BFAR: variants seen among roughly 807,000 people sequenced by gnomAD.
The protein encoded by BFAR is RING finger protein 47.
Under a neutral mutation model 54.4 loss-of-function variants are expected in BFAR, and 52 were observed. The observed-to-expected ratio is 0.96, with a 90% CI of 0.77 to 1.21. BFAR has a LOEUF of 1.21. Ranked by LOEUF, BFAR falls within the 50% of genes most tolerant of loss-of-function variation. The pLI, the probability that BFAR is intolerant of heterozygous loss-of-function variation, is 0.00. For missense variants in BFAR, 571 were observed against 534.0 expected, an observed-to-expected ratio of 1.07 and a Z score of -0.68; for synonymous variants, 215 against 204.3, an observed-to-expected ratio of 1.05 and a Z score of -0.45.
chr16:14,659,242 TTG>T lies in BFAR; in HGVS notation c.784-2648_784-2647del, dbSNP rs1567493908. On this transcript the variant is annotated intron_variant, in intron 5 of 7. Coordinates refer to ENST00000261658, the MANE Select transcript of BFAR (RefSeq NM_016561.3). ...GCAATTTGGTTTTTTTTGTTTTTTT[TTG>T]TTTTTTGTTTTTTTTTGAAACAGAG... Among the ~76,000 whole-genome samples, 1,139 of 147,972 alleles carry T rather than the reference TTG, an allele frequency of 7.7e-3. 8 individuals carry two copies. Among genetic ancestry groups the T allele is most frequent in the African/African-American group, 0.027 (1,062 of 40,042 alleles).
chr16:14,648,400 A>T lies in BFAR; in HGVS notation c.276A>T (p.Glu92Asp). Residue 92 changes from glutamate (E) to aspartate (D), a missense_variant, in exon 3 of 8, where the codon GAA becomes GAT. Coordinates refer to ENST00000261658, the MANE Select transcript of BFAR (RefSeq NM_016561.3). ...KVSILLRDAI[E>D]KLFPDAIRLR... ...CTATTCTCCATAGGGATGCCATTGAAAAGTTATTTCCTGATGCCATTAGAC... is the reference window on the plus strand; with the variant it reads ...CTATTCTCCATAGGGATGCCATTGATAAGTTATTTCCTGATGCCATTAGAC... 6.2e-7 allele frequency: 1 copy of T among 1,612,756 alleles called. No individual in the cohort carries two copies. The highest frequency in any genetic ancestry group is 8.5e-7 in the Non-Finnish European group (1 of 1,178,878).
intron 1 of BFAR, among the ~76,000 whole-genome samples, chr16:14,639,129 A>C (rs1161106127): frequency 6.6e-6 from 1 of 152,032 alleles, no homozygotes; most frequent in African/African-American, 2.4e-5. Context: ...TGATCATTCA[A>C]ATTCACCAAC....
chr16:14,649,452 G>C (rs1470737246), intron 3 of BFAR, among the ~76,000 whole-genome samples: 1 of 152,122 alleles, frequency 6.6e-6, no homozygotes, highest in African/African-American at 2.4e-5. Flanking sequence ...TTAAAGTTCT[G>C]TGCATAAAAA....
intron 1 of BFAR, among the ~76,000 whole-genome samples, chr16:14,641,338 G>T (rs1392942185): frequency 1.3e-5 from 2 of 152,192 alleles, no homozygotes; most frequent in Non-Finnish European, 2.9e-5. Context: ...GCAGCCTGCT[G>T]CTGACAGCTA....
At chr16:14,659,378 A>G (rs1470082868) in intron 5 of BFAR, among the ~76,000 whole-genome samples, 1 of 151,692 alleles carries the variant, frequency 6.6e-6, no homozygotes, top group Admixed American at 6.6e-5. Context: ...AGTAGCTGGG[A>G]CTACAGGTGC....
At chr16:14,655,344 C>A in intron 5 of BFAR, 134 bp downstream of exon 5, 1 of 825,008 alleles carries the variant, frequency 1.2e-6, no homozygotes, top group Non-Finnish European at 1.6e-6. Context: ...TATTTTGAGA[C>A]AGAGTCCTTC....
At chr16:14,655,231 T>G in intron 5 of BFAR, 21 bp downstream of exon 5, 1 of 1,364,460 alleles carries the variant, frequency 7.3e-7, no homozygotes, top group Non-Finnish European at 9.5e-7. Flanking sequence ...TAATTTTTTT[T>G]TTTTTTTTTT....
intron 6 of BFAR, among the ~76,000 whole-genome samples, chr16:14,662,709 G>C (rs1567495580): frequency 6.6e-6 from 1 of 151,982 alleles, no homozygotes; most frequent in Non-Finnish European, 1.5e-5. Flanking sequence ...GCAGAGACAG[G>C]GTTTCACCAT....
chr16:14,663,757 T>C (rs1017378905), intron 6 of BFAR, among the ~76,000 whole-genome samples: 14 of 152,166 alleles, frequency 9.2e-5, no homozygotes, highest in Non-Finnish European at 1.5e-4. Context: ...GAAACTACCA[T>C]TATTCTACCA....
At chr16:14,654,193 A>G (rs1016860793) in intron 4 of BFAR, among the ~76,000 whole-genome samples, 5 of 151,326 alleles carry the variant, frequency 3.3e-5, no homozygotes, top group African/African-American at 1.2e-4. Flanking sequence ...TTGTATTTTC[A>G]GTAGAGACGG....
chr16:14,662,865 C>G lies in BFAR; in HGVS notation c.957+800C>G, dbSNP rs182972361. ...TCGGCAAGACTCCTGTCTCAAGAGC[C>G]GAGCTCCCCGAGTGAGCAATTCCTG... On this transcript the variant is annotated intron_variant, in intron 6 of 7. Coordinates refer to ENST00000261658, the MANE Select transcript of BFAR (RefSeq NM_016561.3). Among the ~76,000 whole-genome samples, 245 of 152,192 alleles carry G rather than the reference C, an allele frequency of 1.6e-3. 2 individuals are homozygous for G. The highest frequency in any genetic ancestry group is 5.7e-3 in the African/African-American group (236 of 41,534).
In BFAR at chr16:14,659,231, TTTGTTTTTTTTTGTTTTTTG is replaced by T. The variant is rs1318442479; in HGVS notation, c.784-2658_784-2639del. Among the ~76,000 whole-genome samples the T allele has an allele frequency of 3.8e-4, 56 of 148,864 alleles. 1 individual carries two copies. Among genetic ancestry groups the T allele is most frequent in the Non-Finnish European group, 7.2e-4 (48 of 67,082 alleles). The stretch of plus-strand genomic sequence containing the variant: ...GCCTGTAGTATGCAATTTGGTTTTT[TTTGTTTTTTTTTGTTTTTTG>T]TTTTTTTTTGAAACAGAGTCTCGCT... On this transcript the variant is annotated intron_variant, in intron 5 of 7. Coordinates refer to ENST00000261658, the MANE Select transcript of BFAR (RefSeq NM_016561.3).
At chr16:14,651,333 C>T (rs946610403) in intron 4 of BFAR, among the ~76,000 whole-genome samples, 1 of 152,106 alleles carries the variant, frequency 6.6e-6, no homozygotes, top group Non-Finnish European at 1.5e-5. Context: ...AAGGATATTG[C>T]AAAAGATACA....
At chr16:14,662,165 T>C (rs1334655997) in intron 6 of BFAR, 100 bp downstream of exon 6, 1 of 1,372,208 alleles carries the variant, frequency 7.3e-7, no homozygotes, top group Non-Finnish European at 1.0e-6. Flanking sequence ...GTTTGACCCA[T>C]GAACTCCTTC....
At chr16:14,660,609 CGAG>C (rs1341809906) in intron 5 of BFAR, among the ~76,000 whole-genome samples, 2 of 112,462 alleles carry the variant, frequency 1.8e-5, no homozygotes, top group African/African-American at 3.1e-5. Context: ...TTTAAAGAAA[CGAG>C]GTCTTACGCC....
At position 14,668,036 on chromosome 16, in the gene BFAR, CT is replaced by C; in HGVS notation, c.*210del. The C allele has an allele frequency of 1.8e-6, 1 of 571,338 alleles. No individual in the cohort carries two copies. The highest frequency in any genetic ancestry group is 2.6e-5 in the South Asian group (1 of 38,416). The allele number at this position is 571,338 out of a possible 1,614,324, so 35.4% of individuals were successfully genotyped here. ...CTGACATCCGCACAGGGAGGATTGT[CT>C]GTTTGGCTGACACAGCAGCAGCCCT... On this transcript the variant is annotated 3_prime_UTR_variant, in exon 8 of 8. Coordinates refer to ENST00000261658, the MANE Select transcript of BFAR (RefSeq NM_016561.3).
In BFAR at chr16:14,662,047, CA is replaced by C; in HGVS notation, c.940del (p.Ile314SerfsTer30). ...PLQEDSSGEDIVTKLLDLKEP... is the reference protein window; with the variant it reads ...PLQEDSSGEDXVTKLLDLKEP... ...TGCAAGAAGACAGCTCTGGGGAGGACATCGTCACCAAGCTTCTGGTAGGTCT... is the reference window on the plus strand; with the variant it reads ...TGCAAGAAGACAGCTCTGGGGAGGACTCGTCACCAAGCTTCTGGTAGGTCT... On this transcript the variant is annotated frameshift_variant, in exon 6 of 8. Transcript: ENST00000261658. LOFTEE classifies it high-confidence loss of function. 6.2e-7 allele frequency: 1 copy of C among 1,614,162 alleles called. No individual in the cohort carries two copies. The highest frequency in any genetic ancestry group is 1.1e-5 in the South Asian group (1 of 91,080).
intron 5 of BFAR, among the ~76,000 whole-genome samples, chr16:14,660,213 C>G (rs778146043): frequency 2.0e-5 from 3 of 152,130 alleles, no homozygotes; most frequent in Admixed American, 6.6e-5. Context: ...CATTCACATG[C>G]TTATTTGCCA....
At chr16:14,654,337 C>T (rs1960059892) in intron 4 of BFAR, among the ~76,000 whole-genome samples, 1 of 151,826 alleles carries the variant, frequency 6.6e-6, no homozygotes, top group East Asian at 1.9e-4. Context: ...CCTATACATA[C>T]ACACAGTTTT....
Sources: gnomAD v4.1 joint callset for allele counts (sites outside exome capture counted in the v4.1 genomes callset) on GRCh38, gnomAD v4.1.1 for gene constraint, MANE v1.5 for transcripts, NCBI Gene and HGNC (gene_info 2026-07-23, HGNC 2026-07-21) for gene names.